AP3B1: variants seen among roughly 807,000 people sequenced by gnomAD.
AP3B1 encodes the protein AP-3 complex subunit beta-1.
Under a neutral mutation model 132.5 loss-of-function variants are expected in AP3B1, and 61 were observed. The ratio of observed to expected loss-of-function variants is 0.46; its 90% CI spans 0.37 to 0.57. The LOEUF is 0.57. AP3B1 is among the 20% of genes least tolerant of loss of function. The pLI, the probability that AP3B1 is intolerant of heterozygous loss-of-function variation, is 0.00. For synonymous variants in AP3B1, 388 were observed against 438.3 expected, an observed-to-expected ratio of 0.89 and a Z score of 1.43; for missense variants, 1,120 against 1,289.4, an observed-to-expected ratio of 0.87 and a Z score of 2.01.
intron 7 of AP3B1, among the ~76,000 whole-genome samples, chr5:78,210,382 A>G (rs537660756): frequency 3.3e-5 from 5 of 152,190 alleles, no homozygotes; most frequent in Admixed American, 2.0e-4. Context: ...TTGGATTTTG[A>G]TAAGTTATTT....
rs138989502 is a variant in AP3B1, at chr5:78,146,892, A to C, written c.1474-5573T>G. On this transcript the variant is annotated intron_variant, in intron 14 of 26. Coordinates refer to ENST00000255194, the MANE Select transcript of AP3B1 (RefSeq NM_003664.5). ...TATTTAAGTCTCATTTCATTGCTTA[A>C]GGTCAAAGAATGCAAAATCTTTAAG... Among the ~76,000 whole-genome samples the C allele has an allele frequency of 8.3e-3, 1,260 of 152,214 alleles. 10 individuals are homozygous for C. Among genetic ancestry groups the C allele is most frequent in the African/African-American group, 0.02 (831 of 41,574 alleles).
intron 22 of AP3B1, among the ~76,000 whole-genome samples, chr5:78,075,328 T>C (rs1458893373): frequency 2.0e-5 from 3 of 152,230 alleles, no homozygotes; most frequent in African/African-American, 7.2e-5. Flanking sequence ...TTTTAGTAGA[T>C]TTCAGATGGA....
At chr5:78,127,993 T>C (rs1313955684) in intron 17 of AP3B1, 37 bp downstream of exon 17, 1 of 1,608,594 alleles carries the variant, frequency 6.2e-7, no homozygotes, top group East Asian at 2.2e-5. Flanking sequence ...AGTCTTCCAC[T>C]GCTTTGGCAA....
In AP3B1 at chr5:78,228,049, G is replaced by A. The variant is rs376046080; in HGVS notation, c.375+95C>T. The A allele has an allele frequency of 5.1e-6, 4 of 782,136 alleles. No homozygotes were observed. The South Asian group carries it at 7.6e-5, about 15-fold the overall frequency. The allele number at this position is 782,136 out of a possible 1,614,324, so 48.4% of individuals were successfully genotyped here. On this transcript the variant is annotated intron_variant, in intron 4 of 26. Transcript: ENST00000255194. ...TTTAACTCTTTCAAGACACTACTGT[G>A]CTATTTAGTGGATTATCGCTCCACT...
In AP3B1 at chr5:78,129,298, G is replaced by A; in HGVS notation, c.1660C>T (p.Leu554Phe). The change falls in exon 16 of 27, where the codon CTT becomes TTT. Residue 554 changes from leucine (L) to phenylalanine (F), a missense_variant. Physicochemically the swap from Leu to Phe is conservative, Grantham distance 22 (BLOSUM62 0). Around this residue, in one of 3 missense-constraint regions of AP3B1, gnomAD observed 906 missense variants for 997.1 expected, o/e 0.91. Coordinates refer to ENST00000255194, the MANE Select transcript of AP3B1 (RefSeq NM_003664.5). ...YLTNSKQTKL[L>F]TQYILNLGKY... The stretch of plus-strand genomic sequence containing the variant: ...CCGAGATTTAATATGTACTGGGTAA[G>A]CAATTTTGTCTGTTGGAAAAAAACA... 1 of 1,611,612 alleles carries A rather than the reference G, an allele frequency of 6.2e-7. No individual in the cohort carries two copies. Among genetic ancestry groups the A allele is most frequent in the Non-Finnish European group, 8.5e-7 (1 of 1,177,974 alleles).
chr5:78,285,726 T>G (rs1749249713), intron 1 of AP3B1, among the ~76,000 whole-genome samples: 2 of 152,214 alleles, frequency 1.3e-5, no homozygotes, highest in African/African-American at 4.8e-5. Context: ...ATTCCAAACT[T>G]CGAGCTGTGT....
At position 78,227,397 on chromosome 5, in the gene AP3B1, C is replaced by A. The variant is rs868382649; in HGVS notation, c.511G>T (p.Ala171Ser). ...DLSPYVRKNA[A>S]HAIQKLYSLD... ...CTGTATAATTTTTGTATTGCATGGG[C>A]TGCATTCTTCCTAACATATGGTGAT... The change falls in exon 5 of 27, where the codon GCC becomes TCC. Residue 171 changes from alanine (A) to serine (S), a missense_variant. Ala to Ser is a moderately conservative substitution (Grantham distance 99). Coordinates refer to ENST00000255194, the MANE Select transcript of AP3B1 (RefSeq NM_003664.5). 6.2e-7 allele frequency: 1 copy of A among 1,613,558 alleles called. No individual in the cohort carries two copies.
At chr5:78,067,217 T>C (rs1380566184) in intron 22 of AP3B1, among the ~76,000 whole-genome samples, 1 of 152,186 alleles carries the variant, frequency 6.6e-6, no homozygotes, top group African/African-American at 2.4e-5. Context: ...CAAGAAGAGC[T>C]AATTAACCTA....
intron 22 of AP3B1, among the ~76,000 whole-genome samples, chr5:78,082,674 T>C (rs908582949): frequency 6.6e-6 from 1 of 152,212 alleles, no homozygotes; most frequent in African/African-American, 2.4e-5. Flanking sequence ...TCACTCTGTC[T>C]TTCTAAATGA....
At chr5:78,099,670 G>T (rs1174891197) in intron 21 of AP3B1, among the ~76,000 whole-genome samples, 1 of 152,160 alleles carries the variant, frequency 6.6e-6, no homozygotes, top group East Asian at 1.9e-4. Context: ...GCCGAGGTGG[G>T]TGGATCACGA....
intron 22 of AP3B1, among the ~76,000 whole-genome samples, chr5:78,041,001 G>A (rs936333992): frequency 6.6e-6 from 1 of 152,126 alleles, no homozygotes; most frequent in East Asian, 1.9e-4. Context: ...CTGGCCAGGC[G>A]CGGTGGCTCA....
At chr5:78,277,314 T>A (rs1298416659) in intron 1 of AP3B1, among the ~76,000 whole-genome samples, 1 of 152,118 alleles carries the variant, frequency 6.6e-6, no homozygotes, top group Non-Finnish European at 1.5e-5. Context: ...AGTATTGAAG[T>A]CCCTGAATAT....
At chr5:78,074,888 G>A (rs1299523690) in intron 22 of AP3B1, among the ~76,000 whole-genome samples, 2 of 152,082 alleles carry the variant, frequency 1.3e-5, no homozygotes, top group African/African-American at 4.8e-5. Context: ...AGCTGAGATT[G>A]CGCCACTGCA....
At chr5:78,263,811 T>C (rs1748202577) in intron 2 of AP3B1, among the ~76,000 whole-genome samples, 1 of 152,212 alleles carries the variant, frequency 6.6e-6, no homozygotes, top group African/African-American at 2.4e-5. Context: ...CTGAATTTTG[T>C]GTTATTTTTA....
chr5:78,129,087 T>C, intron 16 of AP3B1, 34 bp downstream of exon 16: 1 of 1,562,376 alleles, frequency 6.4e-7, no homozygotes, highest in Non-Finnish European at 8.7e-7. Context: ...ATTTTTTAGA[T>C]AACATATATT....
chr5:78,155,411 A>C (rs1743104137), intron 14 of AP3B1, among the ~76,000 whole-genome samples: 1 of 152,102 alleles, frequency 6.6e-6, no homozygotes, highest in Non-Finnish European at 1.5e-5. Flanking sequence ...GTGAGTGCCC[A>C]CCTGATTTTT....
chr5:78,241,247 A>G (rs1747123805), intron 2 of AP3B1, among the ~76,000 whole-genome samples: 1 of 150,492 alleles, frequency 6.6e-6, no homozygotes, highest in Non-Finnish European at 1.5e-5. Context: ...CTCCCAGGCT[A>G]GAGTCCAGTG....
chr5:78,152,196 A>G (rs1753703070), intron 14 of AP3B1, among the ~76,000 whole-genome samples: 1 of 146,212 alleles, frequency 6.8e-6, no homozygotes, highest in Non-Finnish European at 1.5e-5. Flanking sequence ...ATGACCTTGT[A>G]GAATGAATTT....
intron 17 of AP3B1, among the ~76,000 whole-genome samples, chr5:78,120,869 C>G (rs1353282697): frequency 6.6e-6 from 1 of 152,192 alleles, no homozygotes; most frequent in African/African-American, 2.4e-5. Context: ...GAACTCTCCA[C>G]CCCAAATCAA....
Sources: gnomAD v4.1 joint callset for allele counts (sites outside exome capture counted in the v4.1 genomes callset) on GRCh38, gnomAD v4.1.1 for gene constraint, gnomAD v4.1.1 regional missense constraint, MANE v1.5 for transcripts, NCBI Gene and HGNC (gene_info 2026-07-23, HGNC 2026-07-21) for gene names.